Variants in FAM227B observed in about 807,000 individuals in gnomAD.
The protein encoded by FAM227B is family with sequence similarity 227 member B, also known as protein FAM227B.
In FAM227B, 88 loss-of-function variants were observed where a neutral mutation model predicts 73.8. The ratio of observed to expected loss-of-function variants is 1.19; its 90% CI spans 1.00 to 1.42. The LOEUF (loss-of-function observed/expected upper bound fraction) is 1.42, where lower values mean the gene tolerates loss of function less well. FAM227B is among the 40% of genes most tolerant of loss of function. The probability of loss-of-function intolerance (pLI) is 0.00; values close to 1 mark genes in which losing one functional copy is unlikely to be tolerated. For synonymous variants in FAM227B, 210 were observed against 190.5 expected, an observed-to-expected ratio of 1.10 and a Z score of -0.84; for missense variants, 632 against 590.9, an observed-to-expected ratio of 1.07 and a Z score of -0.72.
At chr15:49,347,861 A>C (rs535618162) in intron 13 of FAM227B, among the ~76,000 whole-genome samples, 1 of 152,150 alleles carries the variant, frequency 6.6e-6, no homozygotes, top group East Asian at 1.9e-4. Context: ...TCTACTAAAA[A>C]TATACAAATT....
chr15:49,443,169 A>T (rs996355190), intron 11 of FAM227B, among the ~76,000 whole-genome samples: 28 of 151,706 alleles, frequency 1.8e-4, no homozygotes, highest in African/African-American at 5.8e-4. Context: ...AATTTTGTTA[A>T]CTTATTAAAT....
chr15:49,386,553 A>C (rs1214645148), intron 11 of FAM227B, among the ~76,000 whole-genome samples: 5 of 151,930 alleles, frequency 3.3e-5, no homozygotes, highest in Non-Finnish European at 7.4e-5. Flanking sequence ...AAGAAGTCTG[A>C]AAGTGCCCAA....
chr15:49,619,809 G>C (rs980236727), intron 1 of FAM227B, among the ~76,000 whole-genome samples: 1 of 152,124 alleles, frequency 6.6e-6, no homozygotes, highest in Non-Finnish European at 1.5e-5. Flanking sequence ...TCCCTACCCA[G>C]AAAATTCACC....
At chr15:49,531,090 TTAAAC>T (rs1324180682) in intron 10 of FAM227B, among the ~76,000 whole-genome samples, 2 of 133,690 alleles carry the variant, frequency 1.5e-5, no homozygotes, top group African/African-American at 6.0e-5. Flanking sequence ...ATAAAAAAGT[TTAAAC>T]TAATAATTAA....
intron 11 of FAM227B, among the ~76,000 whole-genome samples, chr15:49,494,868 T>C (rs1215488195): frequency 6.6e-6 from 1 of 152,190 alleles, no homozygotes; most frequent in Non-Finnish European, 1.5e-5. Flanking sequence ...TTTATTAAAC[T>C]AATGGACAAA....
chr15:49,539,254 C>T (rs187519338), intron 10 of FAM227B, among the ~76,000 whole-genome samples: 7 of 152,276 alleles, frequency 4.6e-5, no homozygotes, highest in Admixed American at 4.6e-4. Context: ...CTAGTGGTGT[C>T]TGCAATGGCT....
intron 11 of FAM227B, among the ~76,000 whole-genome samples, chr15:49,381,833 A>C (rs1267705148): frequency 6.6e-6 from 1 of 152,180 alleles, no homozygotes; most frequent in Non-Finnish European, 1.5e-5. Context: ...TTTAGTTGCA[A>C]ATTACAAATA....
At chr15:49,618,419 C>T (rs2078436151) in intron 1 of FAM227B, among the ~76,000 whole-genome samples, 1 of 152,130 alleles carries the variant, frequency 6.6e-6, no homozygotes, top group African/African-American at 2.4e-5. Context: ...GATGCTTTAG[C>T]AGTTTGCCAG....
chr15:49,532,341 C>G (rs1322430108), intron 10 of FAM227B, among the ~76,000 whole-genome samples: 1 of 151,690 alleles, frequency 6.6e-6, no homozygotes, highest in East Asian at 1.9e-4. Context: ...AGGGGAAACT[C>G]ATAGCCTTGA....
At chr15:49,516,624 C>T (rs1321943505) in intron 10 of FAM227B, among the ~76,000 whole-genome samples, 1 of 151,582 alleles carries the variant, frequency 6.6e-6, no homozygotes, top group Admixed American at 6.6e-5. Flanking sequence ...TTTTGTAAGG[C>T]TGGGATGTGG....
Position 49,327,387 on chromosome 15 carries a change from C to CAA in FAM227B, c.*1180_*1181insTT, listed in dbSNP as rs2037694299. 1 of 152,182 alleles carries CAA rather than the reference C, an allele frequency of 6.6e-6. No homozygotes were observed. The highest frequency in any genetic ancestry group is 1.5e-5 in the Non-Finnish European group (1 of 68,050). 9.4% of individuals were successfully genotyped at this position (152,182 alleles called of 1,614,324 possible). A position where few individuals can be genotyped will look rare whatever the true frequency, so the allele number is the denominator to read the frequency against. On this transcript the variant is annotated 3_prime_UTR_variant, in exon 16 of 16. Coordinates refer to ENST00000299338, the MANE Select transcript of FAM227B (RefSeq NM_152647.3). Reference sequence around the variant, plus strand: ...CGACCCAACCTGGAGTTTAATAACACGCTTTTTGTTGATAAGTTTATTCAG... The same window carrying CAA: ...CGACCCAACCTGGAGTTTAATAACACAAGCTTTTTGTTGATAAGTTTATTCAG...
chr15:49,536,765 C>A (rs1202415894), intron 10 of FAM227B, among the ~76,000 whole-genome samples: 1 of 151,784 alleles, frequency 6.6e-6, no homozygotes, highest in Admixed American at 6.6e-5. Flanking sequence ...AAATGACAAA[C>A]ATATGTGGTG....
intron 13 of FAM227B, among the ~76,000 whole-genome samples, chr15:49,357,101 T>A (rs1456439516): frequency 2.0e-5 from 3 of 150,094 alleles, no homozygotes; most frequent in Non-Finnish European, 4.4e-5. Flanking sequence ...AGAGGGAAAT[T>A]TATAGCACTA....
intron 11 of FAM227B, among the ~76,000 whole-genome samples, chr15:49,398,291 G>A (rs1234449200): frequency 6.6e-6 from 1 of 151,096 alleles, no homozygotes; most frequent in Middle Eastern, 3.4e-3. Flanking sequence ...TCAACAAGAA[G>A]AGCTAACTAT....
chr15:49,366,147 C>A, intron 13 of FAM227B: 1 of 982,734 alleles, frequency 1.0e-6, no homozygotes, highest in Non-Finnish European at 1.7e-6. Context: ...ACAGTGAACA[C>A]AGCAATTACA....
At position 49,331,608 on chromosome 15, in the gene FAM227B, T is replaced by C. The variant is rs1006840422; in HGVS notation, c.1419+172A>G. Reference sequence around the variant, plus strand: ...TGTGAACATGAGTTGTCACTAAATATGTAAAACAGATTTTCTTACATGTGC... The same window carrying C: ...TGTGAACATGAGTTGTCACTAAATACGTAAAACAGATTTTCTTACATGTGC... On this transcript the variant is annotated intron_variant, in intron 15 of 15. Transcript: ENST00000299338. 4.1e-5 allele frequency: 23 copies of C among 561,148 alleles called. No homozygotes were observed. The African/African-American group carries it at 4.1e-4, about 10-fold the overall frequency. 34.8% of individuals were successfully genotyped at this position (561,148 alleles called of 1,614,324 possible). A position where few individuals can be genotyped will look rare whatever the true frequency, so the allele number is the denominator to read the frequency against.
chr15:49,513,444 A>C (rs1266762676), intron 10 of FAM227B, among the ~76,000 whole-genome samples: 1 of 151,908 alleles, frequency 6.6e-6, no homozygotes, highest in African/African-American at 2.4e-5. Context: ...CCACTTTTTG[A>C]TGGGGTTGTT....
chr15:49,547,761 A>G (rs2072159557), intron 9 of FAM227B, among the ~76,000 whole-genome samples: 1 of 152,252 alleles, frequency 6.6e-6, no homozygotes, highest in Non-Finnish European at 1.5e-5. Context: ...AATCAGTCCA[A>G]CAGGAAAATG....
chr15:49,365,246 GC>G (rs1214686705), intron 13 of FAM227B: 2 of 1,122,924 alleles, frequency 1.8e-6, no homozygotes, highest in Non-Finnish European at 2.7e-6. Context: ...ACATTTCCAG[GC>G]AACAACTGAG....
Sources: gnomAD v4.1 joint callset for allele counts (sites outside exome capture counted in the v4.1 genomes callset) on GRCh38, gnomAD v4.1.1 for gene constraint, MANE v1.5 for transcripts, NCBI Gene and HGNC (gene_info 2026-07-23, HGNC 2026-07-21) for gene names.